Variants in PLEKHA5 observed in about 807,000 individuals in gnomAD.
PLEKHA5 encodes pleckstrin homology domain-containing family A member 5.
Under a neutral mutation model 181.9 loss-of-function variants are expected in PLEKHA5, and 55 were observed. The observed-to-expected ratio is 0.30, with a 90% CI of 0.24 to 0.38. The LOEUF is 0.38. Among genes scored for constraint, PLEKHA5 ranks in the 10% least tolerant of loss-of-function variants. The pLI is 1.00. For synonymous variants in PLEKHA5, 535 were observed against 529.4 expected, an observed-to-expected ratio of 1.01 and a Z score of -0.15; for missense variants, 1,432 against 1,549.5, an observed-to-expected ratio of 0.92 and a Z score of 1.27.
At chr12:19,150,271 C>G (rs2040066925) in intron 3 of PLEKHA5, 1 of 152,028 alleles carries the variant, frequency 6.6e-6, no homozygotes. Flanking sequence ...TTGGTACTTT[C>G]ACTGGGGCTG....
At chr12:19,356,701 C>T (rs1396660844) in intron 26 of PLEKHA5, among the ~76,000 whole-genome samples, 1 of 140,072 alleles carries the variant, frequency 7.1e-6, no homozygotes, top group Admixed American at 7.7e-5. Flanking sequence ...GAGTCTCTCC[C>T]TGTCGCCCAG....
At chr12:19,197,162 G>C (rs568918801) in intron 3 of PLEKHA5, among the ~76,000 whole-genome samples, 2 of 152,052 alleles carry the variant, frequency 1.3e-5, no homozygotes, top group African/African-American at 4.8e-5. Context: ...GCATCGTTGA[G>C]CCTTAACACC....
At chr12:19,153,317 A>G (rs138072877) in intron 3 of PLEKHA5, 7 of 152,074 alleles carry the variant, frequency 4.6e-5, no homozygotes, top group Non-Finnish European at 1.0e-4. Context: ...TAGTTTGCTT[A>G]TTCAGTGAAT....
intron 31 of PLEKHA5, among the ~76,000 whole-genome samples, chr12:19,374,967 A>G (rs371626741): frequency 1.8e-4 from 27 of 151,810 alleles, no homozygotes; most frequent in Non-Finnish European, 2.6e-4. Flanking sequence ...AAATGATGAT[A>G]ATAATAATAA....
chr12:19,340,051 T>A (rs979490601), intron 21 of PLEKHA5, among the ~76,000 whole-genome samples: 1 of 152,044 alleles, frequency 6.6e-6, no homozygotes, highest in South Asian at 2.1e-4. Context: ...GAGAGAGAAT[T>A]GTTGAACAGC....
chr12:19,188,886 A>C, intron 3 of PLEKHA5, among the ~76,000 whole-genome samples: 1 of 152,228 alleles, frequency 6.6e-6, no homozygotes, highest in East Asian at 1.9e-4. Flanking sequence ...AAGCCTTTCA[A>C]TGACCAATGT....
chr12:19,293,616 TA>T (rs2079031070), intron 15 of PLEKHA5, among the ~76,000 whole-genome samples: 1 of 152,152 alleles, frequency 6.6e-6, no homozygotes, highest in Non-Finnish European at 1.5e-5. Context: ...AACAATGATA[TA>T]AACATGAATC....
intron 16 of PLEKHA5, among the ~76,000 whole-genome samples, chr12:19,316,913 T>C (rs2089017142): frequency 6.6e-6 from 1 of 152,214 alleles, no homozygotes; most frequent in Non-Finnish European, 1.5e-5. Context: ...GTTATTGATA[T>C]TTAGCTAGAA....
At chr12:19,261,103 T>C (rs992547405) in intron 7 of PLEKHA5, 82 bp downstream of exon 7, 1 of 682,154 alleles carries the variant, frequency 1.5e-6, no homozygotes, top group Middle Eastern at 4.1e-4. Flanking sequence ...TTAAAAAGTA[T>C]TGTAACTCTG....
intron 8 of PLEKHA5, among the ~76,000 whole-genome samples, chr12:19,266,143 A>T (rs1338080602): frequency 6.6e-6 from 1 of 152,066 alleles, no homozygotes; most frequent in African/African-American, 2.4e-5. Flanking sequence ...CCTGGTGATT[A>T]TTATACGTTT....
intron 14 of PLEKHA5, among the ~76,000 whole-genome samples, chr12:19,291,125 T>G (rs2078330830): frequency 6.6e-6 from 1 of 152,156 alleles, no homozygotes; most frequent in Non-Finnish European, 1.5e-5. Flanking sequence ...CTTCCATATC[T>G]GGTAAAACAA....
In PLEKHA5 at chr12:19,130,514, GC is replaced by G. The variant is rs2033317582; in HGVS notation, c.169+390del. Among the ~76,000 whole-genome samples the G allele has an allele frequency of 6.6e-6, 1 of 151,200 alleles. No homozygotes were observed. The highest frequency in any genetic ancestry group is 2.1e-4 in the South Asian group (1 of 4,768). On this transcript the variant is annotated intron_variant, in intron 2 of 31. Transcript: ENST00000429027. This position sits in a 1 kb window ranked among gnomAD's most constrained non-coding sequence, Gnocchi z 4.5. ...CCCGGTGACCCCCAGCTGCCGTCTT[GC>G]CCCCCAGCAATCTTCAGGCAGTCCT... is the stretch of plus-strand genomic sequence containing the variant.
At chr12:19,265,571 C>T (rs1300642974) in intron 7 of PLEKHA5, among the ~76,000 whole-genome samples, 179 bp from the exon 8 acceptor site, 2 of 152,034 alleles carry the variant, frequency 1.3e-5, no homozygotes, top group African/African-American at 4.8e-5. Context: ...GTATATATAC[C>T]AAAGTATAAA....
chr12:19,198,962 CAG>C (rs2053586311), intron 3 of PLEKHA5, among the ~76,000 whole-genome samples: 1 of 151,964 alleles, frequency 6.6e-6, no homozygotes, highest in Non-Finnish European at 1.5e-5. Context: ...CAAAACATGA[CAG>C]ATTTTCTTAT....
At chr12:19,230,868 C>T (rs2060435056) in intron 3 of PLEKHA5, among the ~76,000 whole-genome samples, 3 of 152,156 alleles carry the variant, frequency 2.0e-5, no homozygotes, top group South Asian at 2.1e-4. Context: ...GCCAAGGAGG[C>T]GCTGAGAGCA....
At chr12:19,306,475 G>A (rs1303596125) in intron 15 of PLEKHA5, 2 of 668,508 alleles carry the variant, frequency 3.0e-6, no homozygotes, top group African/African-American at 1.8e-5. Flanking sequence ...CCACGAACCG[G>A]TTCCTCTTCC....
intron 20 of PLEKHA5, among the ~76,000 whole-genome samples, chr12:19,331,438 A>T (rs535810239): frequency 1.3e-5 from 2 of 152,166 alleles, no homozygotes; most frequent in Non-Finnish European, 2.9e-5. Context: ...TCCTGAGCTC[A>T]GGAGATTTCT....
At chr12:19,340,427 C>T (rs1423914818) in intron 21 of PLEKHA5, among the ~76,000 whole-genome samples, 15 of 123,172 alleles carry the variant, frequency 1.2e-4, no homozygotes, top group Admixed American at 2.5e-4. Flanking sequence ...CGCCTCTGCC[C>T]GGCCACCACC....
chr12:19,232,020 C>T (rs549870676), intron 3 of PLEKHA5, among the ~76,000 whole-genome samples: 1 of 151,988 alleles, frequency 6.6e-6, no homozygotes, highest in African/African-American at 2.4e-5. Flanking sequence ...GCTGAGATGC[C>T]CTATGAAAAC....
Sources: gnomAD v4.1 joint callset for allele counts (sites outside exome capture counted in the v4.1 genomes callset) on GRCh38, gnomAD v4.1.1 for gene constraint, Gnocchi (gnomAD v3.1) non-coding constraint, MANE v1.5 for transcripts, NCBI Gene and HGNC (gene_info 2026-07-23, HGNC 2026-07-21) for gene names.